Variants in KLRD1 observed in about 807,000 individuals in gnomAD.
KLRD1 encodes natural killer cells antigen CD94.
A neutral mutation model predicts 22.6 loss-of-function variants in KLRD1; 21 were observed. The ratio of observed to expected loss-of-function variants is 0.93; its 90% CI spans 0.66 to 1.34. The LOEUF is 1.34. Ranked by LOEUF, KLRD1 falls within the 40% of genes most tolerant of loss-of-function variation. KLRD1 has a pLI of 0.00. For missense variants in KLRD1, 183 were observed against 208.6 expected, an observed-to-expected ratio of 0.88 and a Z score of 0.76; for synonymous variants, 59 against 71.1, an observed-to-expected ratio of 0.83 and a Z score of 0.85.
At chr12:10,265,482 C>T (rs1044621365) in intron 1 of KLRD1, among the ~76,000 whole-genome samples, 7 of 152,152 alleles carry the variant, frequency 4.6e-5, no homozygotes, top group Non-Finnish European at 8.8e-5. Flanking sequence ...TACGGTGGGG[C>T]GCGATGGCTC....
At chr12:10,287,339 T>C (rs1249899262) in intron 1 of KLRD1, among the ~76,000 whole-genome samples, 2 of 152,282 alleles carry the variant, frequency 1.3e-5, no homozygotes, top group African/African-American at 4.8e-5. Context: ...ATTTGTTTCA[T>C]ACACAAATAC....
At chr12:10,309,120 T>C in intron 1 of KLRD1, 1 of 298,452 alleles carries the variant, frequency 3.4e-6, no homozygotes, top group Non-Finnish European at 6.2e-6. Context: ...TCTGCCAATT[T>C]AAAATAAATG....
chr12:10,294,952 G>A (rs564619673), intron 1 of KLRD1, among the ~76,000 whole-genome samples: 11 of 152,278 alleles, frequency 7.2e-5, no homozygotes, highest in East Asian at 1.9e-4. Flanking sequence ...TCAAGACAGC[G>A]CTAACATCTA....
chr12:10,310,989 T>C (rs1231261905), intron 3 of KLRD1, among the ~76,000 whole-genome samples: 1 of 152,182 alleles, frequency 6.6e-6, no homozygotes, highest in Non-Finnish European at 1.5e-5. Flanking sequence ...TATCCAAACA[T>C]ATATCAAAAT....
intron 1 of KLRD1, among the ~76,000 whole-genome samples, chr12:10,277,897 A>G (rs1839710761): frequency 1.3e-5 from 2 of 152,328 alleles, no homozygotes; most frequent in East Asian, 3.9e-4. Flanking sequence ...TGTATTTTAC[A>G]TGTACATCTG....
At position 10,314,885 on chromosome 12, in the gene KLRD1, T is replaced by TTA; in HGVS notation, c.*92_*93insTA. 8.3e-7 allele frequency: 1 copy of TTA among 1,200,592 alleles called. No individual in the cohort carries two copies. The highest frequency in any genetic ancestry group is 2.5e-5 in the East Asian group (1 of 39,218). 74.4% of individuals were successfully genotyped at this position (1,200,592 alleles called of 1,614,324 possible). A position where few individuals can be genotyped will look rare whatever the true frequency, so the allele number is the denominator to read the frequency against. ...GTTATATTATTACTAATTGTCTACTTCTGGAGTCTATAAAATGTTTTTAAA... is the reference window on the plus strand; with the variant it reads ...GTTATATTATTACTAATTGTCTACTTTACTGGAGTCTATAAAATGTTTTTAAA... On this transcript the variant is annotated 3_prime_UTR_variant, in exon 6 of 6. Transcript: ENST00000336164.
intron 1 of KLRD1, among the ~76,000 whole-genome samples, chr12:10,250,727 C>T (rs558907550): frequency 2.0e-5 from 3 of 152,212 alleles, no homozygotes; most frequent in African/African-American, 7.2e-5. Flanking sequence ...ATTTGCAACA[C>T]CCCTTTGATT....
chr12:10,293,115 G>A (rs1043440678), intron 1 of KLRD1, among the ~76,000 whole-genome samples: 1 of 46,644 alleles, frequency 2.1e-5, no homozygotes. Context: ...GGAACATTGT[G>A]TGGCTGGTTT....
chr12:10,301,957 G>A (rs3912117), upstream of KLRD1, among the ~76,000 whole-genome samples: 78,200 of 151,880 alleles, frequency 0.51, 21,444 homozygotes, highest in Middle Eastern at 0.67. Flanking sequence ...AACGAGATGG[G>A]GAACAGCTGG....
chr12:10,273,257 T>C (rs1416118422), intron 1 of KLRD1, among the ~76,000 whole-genome samples: 1 of 152,206 alleles, frequency 6.6e-6, no homozygotes, highest in Non-Finnish European at 1.5e-5. Flanking sequence ...TTTTCCATGA[T>C]ACATTAAGTG....
At chr12:10,269,959 C>G (rs2137642152) in intron 1 of KLRD1, among the ~76,000 whole-genome samples, 2 of 152,162 alleles carry the variant, frequency 1.3e-5, no homozygotes, top group East Asian at 3.9e-4. Context: ...CTTCTATTGC[C>G]TCTATTAAAT....
At chr12:10,294,619 CA>C (rs11354617) in intron 1 of KLRD1, among the ~76,000 whole-genome samples, 86,420 of 151,760 alleles carry the variant, frequency 0.57, 27,202 homozygotes, top group Admixed American at 0.74. Context: ...AGGCTAGTCT[CA>C]AAACTCCTGA....
chr12:10,266,686 CACACACATATATATGT>C (rs1236490679), intron 1 of KLRD1, among the ~76,000 whole-genome samples: 1 of 151,634 alleles, frequency 6.6e-6, no homozygotes, highest in African/African-American at 2.4e-5. Flanking sequence ...TATATATATG[CACACACATATATATGT>C]ACACACATAT....
At chr12:10,269,437 C>A (rs1949529508) in intron 1 of KLRD1, among the ~76,000 whole-genome samples, 1 of 152,194 alleles carries the variant, frequency 6.6e-6, no homozygotes, top group Admixed American at 6.5e-5. Context: ...AGGCGTGAGC[C>A]ACCACGCTCA....
rs893834174 is a variant in KLRD1 at position 10,328,476 on chromosome 12, A to G, written c.*13683A>G. On this transcript the variant is annotated 3_prime_UTR_variant, in exon 6 of 6. Transcript: ENST00000336164. ...TCTTAGTTGTCTCTTACCATCTTTTATATTTCTGTGGCATCAGTTGCAATG... is the reference window on the plus strand; with the variant it reads ...TCTTAGTTGTCTCTTACCATCTTTTGTATTTCTGTGGCATCAGTTGCAATG... 21 of 151,908 alleles carry G rather than the reference A, an allele frequency of 1.4e-4. No homozygotes were observed. Among genetic ancestry groups the G allele is most frequent in the African/African-American group, 5.1e-4 (21 of 41,376 alleles). The allele number at this position is 151,908 out of a possible 1,614,324, so 9.4% of individuals were successfully genotyped here. A position where few individuals can be genotyped will look rare whatever the true frequency, so the allele number is the denominator to read the frequency against.
At chr12:10,259,752 A>G (rs980470083) in intron 1 of KLRD1, among the ~76,000 whole-genome samples, 3 of 152,222 alleles carry the variant, frequency 2.0e-5, no homozygotes, top group East Asian at 1.9e-4. Context: ...GATCACGTGA[A>G]GTTGGGAGTT....
rs185227571 is a variant in KLRD1, at chr12:10,273,886, A to G, written c.-100-34092A>G. Among the ~76,000 whole-genome samples, 477 of 152,306 alleles carry G rather than the reference A, an allele frequency of 3.1e-3. 2 individuals carry two copies. Among genetic ancestry groups the G allele is most frequent in the Non-Finnish European group, 5.9e-3 (399 of 68,028 alleles). On this transcript the variant is annotated intron_variant, in intron 1 of 5. Transcript: ENST00000544747. ...AGGCAAGGACAAGTAGAAAGCATAA[A>G]TTTATGTAAATTATAAAAAATCAGA...
chr12:10,327,135 G>A lies in KLRD1; in HGVS notation c.*12342G>A, dbSNP rs774664329. 19 of 152,056 alleles carry A rather than the reference G, an allele frequency of 1.2e-4. 1 individual carries two copies. The East Asian group carries it at 2.1e-3, about 17-fold the overall frequency. 9.4% of individuals were successfully genotyped at this position (152,056 alleles called of 1,614,324 possible). A position where few individuals can be genotyped will look rare whatever the true frequency, so the allele number is the denominator to read the frequency against. Reference sequence around the variant, plus strand: ...TGCAATATGGATGTTCATTTTTCCCGTCACTGTTTGTTGAAGAAACTGTCA... The same window carrying A: ...TGCAATATGGATGTTCATTTTTCCCATCACTGTTTGTTGAAGAAACTGTCA... On this transcript the variant is annotated 3_prime_UTR_variant, in exon 6 of 6. Coordinates refer to ENST00000336164, the MANE Select transcript of KLRD1 (RefSeq NM_002262.5).
rs1032785681 is a variant in KLRD1, at chr12:10,321,121, T to C, written c.*6328T>C. On this transcript the variant is annotated 3_prime_UTR_variant, in exon 6 of 6. Coordinates refer to ENST00000336164, the MANE Select transcript of KLRD1 (RefSeq NM_002262.5). ...AAGCAGAAATAGGACTGAGTCCTAATCAAATGAGTCCCGACATTTGCTATG... is the reference window on the plus strand; with the variant it reads ...AAGCAGAAATAGGACTGAGTCCTAACCAAATGAGTCCCGACATTTGCTATG... The C allele has an allele frequency of 2.0e-5, 3 of 152,212 alleles. No individual in the cohort carries two copies. The highest frequency in any genetic ancestry group is 7.2e-5 in the African/African-American group (3 of 41,434). The allele number at this position is 152,212 out of a possible 1,614,324, so 9.4% of individuals were successfully genotyped here.
Sources: allele counts gnomAD v4.1 joint callset (sites outside exome capture counted in the v4.1 genomes callset), GRCh38; gene constraint gnomAD v4.1.1; transcripts MANE v1.5; gene names NCBI Gene and HGNC (gene_info 2026-07-23, HGNC 2026-07-21).